MAF: variants seen among roughly 807,000 people sequenced by gnomAD.
The protein encoded by MAF is transcription factor Maf.
In MAF, 10 loss-of-function variants were observed where a neutral mutation model predicts 22.0. The ratio of observed to expected loss-of-function variants is 0.45; its 90% CI spans 0.28 to 0.77. MAF has a LOEUF of 0.77. Among genes scored for constraint, MAF ranks in the 30% least tolerant of loss-of-function variants. The pLI, the probability that MAF is intolerant of heterozygous loss-of-function variation, is 0.12. For missense variants in MAF, 544 were observed against 548.4 expected (o/e 0.99, Z 0.08); for synonymous variants, 337 against 255.8 (o/e 1.32, Z -3.03).
chr16:79,292,680 A>C, the MAF span, among the ~76,000 whole-genome samples: 1 of 152,174 alleles, frequency 6.6e-6, no homozygotes, highest in Non-Finnish European at 1.5e-5. Flanking sequence ...AGGCATTCTA[A>C]GTCACAGGAT....
At chr16:79,424,405 G>A in the MAF span, among the ~76,000 whole-genome samples, 1 of 152,132 alleles carries the variant, frequency 6.6e-6, no homozygotes, top group East Asian at 1.9e-4. Context: ...AATGAAAACA[G>A]TCCTCTCTAA....
chr16:79,276,669 G>A, the MAF span, among the ~76,000 whole-genome samples: 1 of 152,292 alleles, frequency 6.6e-6, no homozygotes, highest in Admixed American at 6.5e-5. Flanking sequence ...GCCACATCTT[G>A]TGCTCTGAGA....
At chr16:79,235,299 T>A in the MAF span, among the ~76,000 whole-genome samples, 1 of 151,836 alleles carries the variant, frequency 6.6e-6, no homozygotes, top group Non-Finnish European at 1.5e-5. Flanking sequence ...ACATAGTGAA[T>A]AAAGAAAACA....
chr16:79,302,233 G>C, the MAF span, among the ~76,000 whole-genome samples: 1 of 152,220 alleles, frequency 6.6e-6, no homozygotes, highest in Non-Finnish European at 1.5e-5. Flanking sequence ...CTCAGAATCT[G>C]AGCCCAGTGA....
At chr16:79,229,087 T>G in the MAF span, among the ~76,000 whole-genome samples, 1 of 151,932 alleles carries the variant, frequency 6.6e-6, no homozygotes, top group Non-Finnish European at 1.5e-5. Context: ...CGGAGCTGTG[T>G]GATCCTGGCA....
the MAF span, among the ~76,000 whole-genome samples, chr16:79,492,134 G>T: frequency 6.6e-6 from 1 of 152,210 alleles, no homozygotes; most frequent in Non-Finnish European, 1.5e-5. Context: ...GCAGGCACGG[G>T]CATGAGAGTT....
At chr16:79,320,379 AG>A in the MAF span, among the ~76,000 whole-genome samples, 1 of 152,132 alleles carries the variant, frequency 6.6e-6, no homozygotes, top group Non-Finnish European at 1.5e-5. Context: ...CAATTTTCTG[AG>A]GGCTGTGAAT....
the MAF span, among the ~76,000 whole-genome samples, chr16:79,402,015 A>G: frequency 1.3e-5 from 2 of 152,180 alleles, no homozygotes; most frequent in African/African-American, 4.8e-5. Context: ...TTAAATGCCC[A>G]AAGTCACACA....
the MAF span, among the ~76,000 whole-genome samples, chr16:79,553,076 G>A: frequency 6.6e-6 from 1 of 152,162 alleles, no homozygotes; most frequent in Non-Finnish European, 1.5e-5. Context: ...CCTGCAAAAT[G>A]GGTTATTAAT....
the MAF span, among the ~76,000 whole-genome samples, chr16:79,333,087 T>C: frequency 6.6e-6 from 1 of 152,236 alleles, no homozygotes; most frequent in Admixed American, 6.5e-5. Context: ...GGATAGGCGC[T>C]GCAGTCCTCA....
the MAF span, among the ~76,000 whole-genome samples, chr16:79,558,977 C>A: frequency 6.6e-6 from 1 of 152,190 alleles, no homozygotes. Context: ...CTTTTCTGAA[C>A]CAACAGAAAC....
At chr16:79,308,961 A>C in the MAF span, among the ~76,000 whole-genome samples, 1 of 152,202 alleles carries the variant, frequency 6.6e-6, no homozygotes, top group Non-Finnish European at 1.5e-5. Context: ...TGGAAGTAAC[A>C]TAGATGAAGT....
At chr16:79,499,919 A>G in the MAF span, among the ~76,000 whole-genome samples, 6,365 of 152,324 alleles carry the variant, frequency 0.042, 438 homozygotes, top group African/African-American at 0.14. Flanking sequence ...TTTGTCCTGG[A>G]TTATTCTGGT....
chr16:79,578,044 G>A, the MAF span, among the ~76,000 whole-genome samples: 1 of 151,976 alleles, frequency 6.6e-6, no homozygotes, highest in Admixed American at 6.6e-5. Context: ...CCCAATTTCT[G>A]AACTAATGAG....
chr16:79,598,727 C>G, intron 1 of MAF, 58 bp downstream of exon 1: 2 of 1,609,984 alleles, frequency 1.2e-6, no homozygotes, highest in Non-Finnish European at 1.7e-6. Flanking sequence ...CACACCCGAG[C>G]CGGACCCCCG....
At chr16:79,381,164 G>A in the MAF span, among the ~76,000 whole-genome samples, 2 of 151,912 alleles carry the variant, frequency 1.3e-5, no homozygotes, top group Non-Finnish European at 2.9e-5. Flanking sequence ...AATTGTGTAC[G>A]TTCAACAGCA....
At chr16:79,209,766 T>C in the MAF span, among the ~76,000 whole-genome samples, 1 of 152,188 alleles carries the variant, frequency 6.6e-6, no homozygotes, top group African/African-American at 2.4e-5. Flanking sequence ...CACTTCTGCT[T>C]CCCTTTTCCC....
At chr16:79,442,280 T>C in the MAF span, among the ~76,000 whole-genome samples, 258 of 152,304 alleles carry the variant, frequency 1.7e-3, 1 homozygote, top group Non-Finnish European at 1.2e-3. Context: ...CTTGAAATAA[T>C]TGGGGAAGCA....
the MAF span, among the ~76,000 whole-genome samples, chr16:79,236,314 G>C: frequency 6.6e-6 from 1 of 151,836 alleles, no homozygotes; most frequent in East Asian, 1.9e-4. Flanking sequence ...CCTCTACCTG[G>C]GGTCTCCTTT....
Sources: gnomAD v4.1 joint callset for allele counts (sites outside exome capture counted in the v4.1 genomes callset) on GRCh38, gnomAD v4.1.1 for gene constraint, MANE v1.5 for transcripts, NCBI Gene and HGNC (gene_info 2026-07-23, HGNC 2026-07-21) for gene names.